The following TMEM184A variants were observed in gnomAD, a reference collection of about 807,000 sequenced individuals.
TMEM184A encodes transmembrane protein 184A.
Under a neutral mutation model 39.5 loss-of-function variants are expected in TMEM184A, and 40 were observed. The ratio of observed to expected loss-of-function variants is 1.01; its 90% CI spans 0.79 to 1.32. TMEM184A has a LOEUF of 1.32. Among genes scored for constraint, TMEM184A ranks in the 40% most tolerant of loss-of-function variants. The pLI is 0.00. For missense variants in TMEM184A, 603 were observed against 568.8 expected, an observed-to-expected ratio of 1.06 and a Z score of -0.61; for synonymous variants, 280 against 252.3, an observed-to-expected ratio of 1.11 and a Z score of -1.04.
Position 1,547,091 on chromosome 7 carries a change from G to T in TMEM184A, c.1103C>A (p.Ser368Tyr), listed in dbSNP as rs1306858670. The T allele has an allele frequency of 3.1e-6, 5 of 1,610,518 alleles. No individual in the cohort carries two copies. The highest frequency in any genetic ancestry group is 4.2e-6 in the Non-Finnish European group (5 of 1,179,742). ...CTGCGTGTAGTGCTGGTAGGCGGGG[G>T]AGAAGTTGTGGATGGCGTCCTGCAC... Reference protein sequence around the residue: ...DIVQDAIHNFSPAYQHYTQQA... With the variant: ...DIVQDAIHNFYPAYQHYTQQA... Residue 368 changes from serine (S) to tyrosine (Y), a missense_variant, in exon 9 of 9, where the codon TCC (serine) becomes TAC (tyrosine). By Grantham distance (144) the Ser-to-Tyr change is moderately radical (BLOSUM62 -2). Transcript: ENST00000297477.
chr7:1,547,187 G>C lies in TMEM184A; in HGVS notation c.1013-6C>G. ...CTGCATGGGTGCCGGGGGGGCTGGG[G>C]GAGGGCAGTGTATGAGCCCCACCAT... On this transcript the variant is annotated splice_polypyrimidine_tract_variant and splice_region_variant and intron_variant, in intron 8 of 8. Transcript: ENST00000297477. 1 of 1,545,476 alleles carries C rather than the reference G, an allele frequency of 6.5e-7. No homozygotes were observed. The highest frequency in any genetic ancestry group is 2.2e-5 in the East Asian group (1 of 44,566).
At chr7:1,554,456 G>T (rs147107338) in intron 2 of TMEM184A, among the ~76,000 whole-genome samples, 5 of 152,258 alleles carry the variant, frequency 3.3e-5, no homozygotes, top group East Asian at 1.9e-4. Flanking sequence ...CCGCACTGGG[G>T]TCAAGGGCTC....
At chr7:1,553,354 T>C (rs1258175281) in intron 2 of TMEM184A, among the ~76,000 whole-genome samples, 1 of 152,058 alleles carries the variant, frequency 6.6e-6, no homozygotes, top group Non-Finnish European at 1.5e-5. Context: ...AGTTTCCCCA[T>C]GTTGGCCAGG....
Position 1,547,162 on chromosome 7 carries a change from C to T in TMEM184A, c.1032G>A (p.Gln344=). 1 of 1,605,330 alleles carries T rather than the reference C, an allele frequency of 6.2e-7. No homozygotes were observed. The change falls in exon 9 of 9, where the codon CAG becomes CAA. Residue 344 remains glutamine (Q), a synonymous_variant. Coordinates refer to ENST00000297477, the MANE Select transcript of TMEM184A (RefSeq NM_001097620.2). Reference sequence around the variant, plus strand: ...TCTCCCTGATGCCGCTGGAGATGCTCTGCATGGGTGCCGGGGGGGCTGGGG... The same window carrying T: ...TCTCCCTGATGCCGCTGGAGATGCTTTGCATGGGTGCCGGGGGGGCTGGGG... ...ENSPAPPAPM[Q]SISSGIRETV... is the part of the protein sequence containing the mutation.
At chr7:1,547,212 T>C in intron 8 of TMEM184A, 31 bp from the exon 9 acceptor site, 1 of 1,305,130 alleles carries the variant, frequency 7.7e-7, no homozygotes. Context: ...AGCCCCACCA[T>C]CCCCCCTGCA....
At position 1,555,140 on chromosome 7, in the gene TMEM184A, G is replaced by A. The variant is rs1418615931; in HGVS notation, c.219+126C>T. 14 of 745,962 alleles carry A rather than the reference G, an allele frequency of 1.9e-5. No individual in the cohort carries two copies. Among genetic ancestry groups the A allele is most frequent in the African/African-American group, 1.1e-4 (6 of 55,328 alleles). 46.2% of individuals were successfully genotyped at this position (745,962 alleles called of 1,614,324 possible). ...CCTGGGGAAGCTCATCCCCTCCCCC[G>A]TGCCCTGGCCGATCCCACTTCTGAC... On this transcript the variant is annotated intron_variant, in intron 2 of 8. Coordinates refer to ENST00000297477, the MANE Select transcript of TMEM184A (RefSeq NM_001097620.2). This position sits in a 1 kb window ranked among gnomAD's most constrained non-coding sequence, Gnocchi z 5.2.
At position 1,547,032 on chromosome 7, in the gene TMEM184A, G is replaced by T. The variant is rs1784378103; in HGVS notation, c.1162C>A (p.His388Asn). ...ATHEAPRPGT[H>N]PSGGSGGSRK... ...CTCCCGCCGGAGCCGCCGCTGGGGTGGGTGCCGGGCCTGGGCGCCTCGTGC... is the reference window on the plus strand; with the variant it reads ...CTCCCGCCGGAGCCGCCGCTGGGGTTGGTGCCGGGCCTGGGCGCCTCGTGC... The change falls in exon 9 of 9, where the codon CAC becomes AAC. Residue 388 changes from histidine to asparagine, a missense_variant. Physicochemically the swap from His to Asn is moderately conservative, Grantham distance 68 (BLOSUM62 1). Transcript: ENST00000297477. The T allele has an allele frequency of 6.2e-7, 1 of 1,605,746 alleles. No homozygotes were observed. The highest frequency in any genetic ancestry group is 8.5e-7 in the Non-Finnish European group (1 of 1,178,864).
chr7:1,553,410 C>T lies in TMEM184A; in HGVS notation c.219+1856G>A, dbSNP rs542724147. 4.6e-5 allele frequency among the ~76,000 whole-genome samples: 7 copies of T among 152,288 alleles called. No individual in the cohort carries two copies. The South Asian group carries it at 1.5e-3, about 32-fold the overall frequency. On this transcript the variant is annotated intron_variant, in intron 2 of 8. Transcript: ENST00000297477. The stretch of plus-strand genomic sequence containing the variant: ...TCGGGTGATCCACCCGCCTTGGCCT[C>T]CCACAATGCTGGGATTACAGGTGTG...
intron 2 of TMEM184A, among the ~76,000 whole-genome samples, chr7:1,551,710 G>A (rs1784607484): frequency 6.6e-6 from 1 of 152,100 alleles, no homozygotes; most frequent in Non-Finnish European, 1.5e-5. Context: ...GCCGAGGTGG[G>A]TGGATCATTT....
At position 1,547,846 on chromosome 7, in the gene TMEM184A, C is replaced by T. The variant is rs202057236; in HGVS notation, c.908G>A (p.Gly303Asp). The stretch of plus-strand genomic sequence containing the variant: ...CACGCAGATGATGAAGTTCTGGTAG[C>T]CGGCGGCCAGCGTGCCAGCCCCCAG... ...NKLGAGTLAAGYQNFIICVEM... is the reference protein window; with the variant it reads ...NKLGAGTLAADYQNFIICVEM... Residue 303 changes from glycine to aspartate, a missense_variant, in exon 8 of 9, where the codon GGC (glycine) becomes GAC (aspartate). Gly to Asp is a moderately conservative substitution (Grantham distance 94). Coordinates refer to ENST00000297477, the MANE Select transcript of TMEM184A (RefSeq NM_001097620.2). The T allele has an allele frequency of 6.8e-6, 11 of 1,609,564 alleles. No individual in the cohort carries two copies. The highest frequency in any genetic ancestry group is 9.3e-6 in the Non-Finnish European group (11 of 1,178,544).
At chr7:1,551,151 G>A in intron 2 of TMEM184A, among the ~76,000 whole-genome samples, 169 bp from the exon 3 acceptor site, 1 of 84,078 alleles carries the variant, frequency 1.2e-5, no homozygotes, top group Middle Eastern at 5.7e-3. Flanking sequence ...GTGGGGGTGG[G>A]CGCAGGAGGG....
intron 6 of TMEM184A, chr7:1,549,447 G>A (rs1865348): frequency 0.61 from 264,880 of 433,094 alleles, 82,334 homozygotes; most frequent in African/African-American, 0.72. Context: ...TGCCCTTAAT[G>A]CCAAGAGTGC....
Position 1,548,431 on chromosome 7 carries a change from G to T in TMEM184A, c.814+88C>A, listed in dbSNP as rs1054229644. 6 of 1,432,482 alleles carry T rather than the reference G, an allele frequency of 4.2e-6. No homozygotes were observed. The South Asian group carries it at 6.6e-5, about 16-fold the overall frequency. The allele number at this position is 1,432,482 out of a possible 1,614,324, so 88.7% of individuals were successfully genotyped here. ...GCTGGAGAAACTGAAGCACGTGGGG[G>T]CTGGGGAAAGGGGTGTGAGGTGACC... On this transcript the variant is annotated intron_variant, in intron 7 of 8. Transcript: ENST00000297477.
intron 6 of TMEM184A, 115 bp from the exon 7 acceptor site, chr7:1,548,803 G>C (rs1407183863): frequency 5.0e-6 from 6 of 1,203,672 alleles, no homozygotes; most frequent in Non-Finnish European, 7.2e-6. Context: ...TTGGGAGCAT[G>C]GGCCCTGCAG....
At chr7:1,552,385 C>T (rs1460622965) in intron 2 of TMEM184A, among the ~76,000 whole-genome samples, 1 of 152,100 alleles carries the variant, frequency 6.6e-6, no homozygotes, top group Admixed American at 6.6e-5. Flanking sequence ...AACCCATTAA[C>T]GTCTCCATTA....
intron 6 of TMEM184A, chr7:1,549,308 C>CACTTGG: frequency 2.4e-6 from 1 of 419,264 alleles, no homozygotes; most frequent in East Asian, 7.1e-5. Context: ...TGTTGGTGAG[C>CACTTGG]ACCTTGGACC....
rs368867223 is a variant in TMEM184A at position 1,547,757 on chromosome 7, T to C, written c.997A>G (p.Lys333Glu). The change falls in exon 8 of 9, where the codon AAG (lysine) becomes GAG (glutamate). Residue 333 changes from lysine (K) to glutamate (E), a missense_variant. Coordinates refer to ENST00000297477, the MANE Select transcript of TMEM184A (RefSeq NM_001097620.2). ...CAGGGTGTACCTGGTGAATTCTCCT[T>C]CTTCTCTGCGTACACCTGGCAGGGG... Reference protein sequence around the residue: ...AFPCQVYAEKKENSPAPPAPM... With the variant: ...AFPCQVYAEKEENSPAPPAPM... 149 of 1,612,358 alleles carry C rather than the reference T, an allele frequency of 9.2e-5. 2 individuals are homozygous for C. The East Asian group carries it at 1.4e-3, about 16-fold the overall frequency.
rs374491521 is a variant in TMEM184A at position 1,549,655 on chromosome 7, C to A, written c.644+199G>T. On this transcript the variant is annotated intron_variant, in intron 6 of 8. Coordinates refer to ENST00000297477, the MANE Select transcript of TMEM184A (RefSeq NM_001097620.2). The stretch of plus-strand genomic sequence containing the variant: ...TCTTGGGCGGGGCCCCTAGCCCAGC[C>A]GGACGCCAGGCCTGCCTTGTTGGGC... The A allele has an allele frequency of 4.4e-5, 30 of 688,880 alleles. No homozygotes were observed. The Admixed American group carries it at 6.2e-4, about 14-fold the overall frequency. 42.7% of individuals were successfully genotyped at this position (688,880 alleles called of 1,614,324 possible).
chr7:1,554,772 A>G (rs1318322949), intron 2 of TMEM184A, among the ~76,000 whole-genome samples: 1 of 152,088 alleles, frequency 6.6e-6, no homozygotes, highest in Non-Finnish European at 1.5e-5. Context: ...CTTCTCGCCC[A>G]TCTCCTGCAC....
Sources: allele counts gnomAD v4.1 joint callset (sites outside exome capture counted in the v4.1 genomes callset), GRCh38; gene constraint gnomAD v4.1.1; non-coding constraint Gnocchi (gnomAD v3.1); transcripts MANE v1.5; gene names NCBI Gene and HGNC (gene_info 2026-07-23, HGNC 2026-07-21).